The following C12orf42 variants were observed in gnomAD, a reference collection of about 807,000 sequenced individuals.
The protein encoded by C12orf42 is uncharacterized protein C12orf42.
Under a neutral mutation model 21.6 loss-of-function variants are expected in C12orf42, and 25 were observed. The ratio of observed to expected loss-of-function variants is 1.16; its 90% CI spans 0.84 to 1.62. The LOEUF (loss-of-function observed/expected upper bound fraction) is 1.62. Ranked by LOEUF, C12orf42 falls within the 40% of genes most tolerant of loss-of-function variation. The pLI is 0.00. For synonymous variants in C12orf42, 174 were observed against 175.0 expected (o/e 0.99, Z 0.05); for missense variants, 483 against 459.3 (o/e 1.05, Z -0.47).
chr12:103,397,200 A>G (rs919318235), intron 3 of C12orf42, among the ~76,000 whole-genome samples: 2 of 152,248 alleles, frequency 1.3e-5, no homozygotes, highest in African/African-American at 4.8e-5. Flanking sequence ...TTATTCCTTT[A>G]AACTAGTTGC....
Position 103,306,119 on chromosome 12 carries a change from C to A in C12orf42, c.486G>T (p.Trp162Cys). The A allele has an allele frequency of 1.9e-6, 3 of 1,613,904 alleles. No homozygotes were observed. The highest frequency in any genetic ancestry group is 2.5e-6 in the Non-Finnish European group (3 of 1,179,846). Residue 162 changes from tryptophan to cysteine, a missense_variant, in exon 5 of 6, where the codon TGG (tryptophan) becomes TGT (cysteine). By Grantham distance (215) the Trp-to-Cys change is radical (BLOSUM62 -2). Coordinates refer to ENST00000548883, the MANE Select transcript of C12orf42 (RefSeq NM_198521.5). ...ERARGAPKQAWNSSFLEQLVK... is the reference protein window; with the variant it reads ...ERARGAPKQACNSSFLEQLVK... Reference sequence around the variant, plus strand: ...CCAGTTGTTCCAAAAATGAACTGTTCCAAGCCTGCTTGGGTGCTCCTCTGG... The same window carrying A: ...CCAGTTGTTCCAAAAATGAACTGTTACAAGCCTGCTTGGGTGCTCCTCTGG...
At chr12:103,201,840 T>C in the C12orf42 span, among the ~76,000 whole-genome samples, 1 of 152,162 alleles carries the variant, frequency 6.6e-6, no homozygotes, top group East Asian at 1.9e-4. Flanking sequence ...CATTTTGAAG[T>C]TGAATAAGAA....
chr12:103,367,084 G>GAT (rs1486437792), intron 4 of C12orf42, among the ~76,000 whole-genome samples: 2 of 151,310 alleles, frequency 1.3e-5, no homozygotes, highest in Non-Finnish European at 3.0e-5. Context: ...GATAAACCGT[G>GAT]ATATATATAT....
chr12:103,435,622 G>C (rs1046041119), intron 2 of C12orf42, among the ~76,000 whole-genome samples: 5 of 152,076 alleles, frequency 3.3e-5, no homozygotes, highest in Non-Finnish European at 7.3e-5. Flanking sequence ...CTCAGGAGCC[G>C]ATGCGATCAA....
chr12:103,503,354 C>G, the C12orf42 span: 1 of 152,432 alleles, frequency 6.6e-6, no homozygotes, highest in Non-Finnish European at 1.5e-5. Context: ...TCACAGTCCT[C>G]GTTCCGCCCC....
At chr12:103,336,809 G>A (rs1198738973) in intron 4 of C12orf42, among the ~76,000 whole-genome samples, 2 of 152,122 alleles carry the variant, frequency 1.3e-5, no homozygotes, top group Non-Finnish European at 1.5e-5. Context: ...GCTTGAAGTG[G>A]CTCCCTTTAT....
chr12:103,193,441 A>G, the C12orf42 span, among the ~76,000 whole-genome samples: 1 of 151,786 alleles, frequency 6.6e-6, no homozygotes, highest in Admixed American at 6.6e-5. Context: ...TATAAAACTG[A>G]GTTCTTCCCT....
At chr12:103,500,304 A>G (rs1955687434), upstream of C12orf42, among the ~76,000 whole-genome samples, 1 of 151,392 alleles carries the variant, frequency 6.6e-6, no homozygotes, top group African/African-American at 2.4e-5. Flanking sequence ...AGGCATACCA[A>G]TTTTTGACCA....
chr12:103,295,479 G>C (rs1384847809), intron 4 of C12orf42, among the ~76,000 whole-genome samples: 1 of 152,014 alleles, frequency 6.6e-6, no homozygotes, highest in Non-Finnish European at 1.5e-5. Flanking sequence ...GCGAGCATGA[G>C]TGATGGAGGC....
chr12:103,522,391 G>C, the C12orf42 span, among the ~76,000 whole-genome samples: 81 of 152,232 alleles, frequency 5.3e-4, no homozygotes, highest in African/African-American at 1.9e-3. Context: ...AGCAACATGT[G>C]AATGGACTAA....
At chr12:103,347,275 A>G (rs532881756) in intron 4 of C12orf42, among the ~76,000 whole-genome samples, 3 of 150,770 alleles carry the variant, frequency 2.0e-5, no homozygotes, top group East Asian at 3.9e-4. Flanking sequence ...TCATTGTTCA[A>G]CTCCCACTTC....
In C12orf42 at chr12:103,401,671, G is replaced by A; in HGVS notation, c.83C>T (p.Ser28Phe). Reference protein sequence around the residue: ...IRPFANRMQKSPCYIPIVSSA... With the variant: ...IRPFANRMQKFPCYIPIVSSA... ...GCTCACAATGGGAATATAGCAAGGGGATTTCTGAAACATTAGAAACAAGGC... is the reference window on the plus strand; with the variant it reads ...GCTCACAATGGGAATATAGCAAGGGAATTTCTGAAACATTAGAAACAAGGC... The change falls in exon 3 of 6, where the codon TCC becomes TTC. Residue 28 changes from serine to phenylalanine, a missense_variant. Ser to Phe is a radical substitution (Grantham distance 155). Coordinates refer to ENST00000548883, the MANE Select transcript of C12orf42 (RefSeq NM_198521.5). 1 of 1,613,512 alleles carries A rather than the reference G, an allele frequency of 6.2e-7. No homozygotes were observed. Among genetic ancestry groups the A allele is most frequent in the Non-Finnish European group, 8.5e-7 (1 of 1,179,564 alleles).
intron 1 of C12orf42, among the ~76,000 whole-genome samples, chr12:103,490,904 A>G (rs1285911455): frequency 3.3e-5 from 5 of 152,074 alleles, no homozygotes; most frequent in African/African-American, 1.2e-4. Context: ...TTCTGAAATA[A>G]TATCTAGTGG....
chr12:103,430,413 A>T (rs908339224), intron 2 of C12orf42, among the ~76,000 whole-genome samples: 39 of 152,238 alleles, frequency 2.6e-4, no homozygotes, highest in African/African-American at 8.9e-4. Context: ...CCACAATGAG[A>T]TACCATCTCA....
the C12orf42 span, among the ~76,000 whole-genome samples, chr12:103,551,915 G>A: frequency 6.6e-6 from 1 of 152,174 alleles, no homozygotes; most frequent in South Asian, 2.1e-4. Context: ...AATCACCTTA[G>A]TCTAGTTAGG....
At chr12:103,099,582 A>G in the C12orf42 span, among the ~76,000 whole-genome samples, 3 of 152,216 alleles carry the variant, frequency 2.0e-5, no homozygotes, top group Non-Finnish European at 4.4e-5. Context: ...ATTATAACAG[A>G]TATTTATTTC....
At chr12:103,204,430 G>T in the C12orf42 span, among the ~76,000 whole-genome samples, 1 of 152,108 alleles carries the variant, frequency 6.6e-6, no homozygotes, top group African/African-American at 2.4e-5. Flanking sequence ...ACTGAAAAGA[G>T]ATTGCAACTT....
chr12:103,363,874 T>C (rs1460513045), intron 4 of C12orf42, among the ~76,000 whole-genome samples: 1 of 151,526 alleles, frequency 6.6e-6, no homozygotes, highest in African/African-American at 2.4e-5. Context: ...AGAAATGAGA[T>C]AGAAAGCAAC....
At chr12:103,210,545 C>T in the C12orf42 span, among the ~76,000 whole-genome samples, 1 of 151,468 alleles carries the variant, frequency 6.6e-6, no homozygotes, top group Non-Finnish European at 1.5e-5. Context: ...CCTGTTGCCC[C>T]TTTGCCTCTT....
Sources: allele counts gnomAD v4.1 joint callset (sites outside exome capture counted in the v4.1 genomes callset), GRCh38; gene constraint gnomAD v4.1.1; transcripts MANE v1.5; gene names NCBI Gene and HGNC (gene_info 2026-07-23, HGNC 2026-07-21).